Variants in TTC19 observed in about 807,000 individuals in gnomAD.
TTC19 encodes tetratricopeptide repeat protein 19, mitochondrial.
In TTC19, 38 loss-of-function variants were observed where a neutral mutation model predicts 49.5. The ratio of observed to expected loss-of-function variants is 0.77; its 90% CI spans 0.59 to 1.01. TTC19 has a LOEUF of 1.01. Among genes scored for constraint, TTC19 ranks in the 50% least tolerant of loss-of-function variants. The pLI is 0.00. For synonymous variants in TTC19, 204 were observed against 185.2 expected (o/e 1.10, Z -0.83); for missense variants, 475 against 477.7 (o/e 0.99, Z 0.05).
chr17:16,039,798 T>G (rs777336937), intron 2 of TTC19: 4 of 701,670 alleles, frequency 5.7e-6, no homozygotes, highest in African/African-American at 3.6e-5. Flanking sequence ...ACAGAGACCT[T>G]TTTTTTTGGA....
intron 2 of TTC19, chr17:16,034,732 G>C: frequency 6.4e-7 from 1 of 1,557,168 alleles, no homozygotes; most frequent in African/African-American, 1.4e-5. Flanking sequence ...TTATTGCTCT[G>C]TCTCATTTTC....
intron 2 of TTC19, among the ~76,000 whole-genome samples, chr17:16,043,426 T>A (rs2058095605): frequency 6.6e-6 from 1 of 152,172 alleles, no homozygotes; most frequent in Non-Finnish European, 1.5e-5. Context: ...TCCCAGACTC[T>A]AAAGCAATTC....
intron 2 of TTC19, among the ~76,000 whole-genome samples, chr17:16,038,070 GT>G (rs997306982): frequency 2.7e-4 from 41 of 149,254 alleles, no homozygotes; most frequent in African/African-American, 7.1e-4. Flanking sequence ...AACATGTATA[GT>G]TTTTTTTTTA....
In TTC19 at chr17:16,028,627, C is replaced by T. The variant is rs1306515799; in HGVS notation, c.*1105C>T. The T allele has an allele frequency of 6.8e-5, 31 of 453,400 alleles. 1 individual carries two copies. The Admixed American group carries it at 7.3e-4, about 11-fold the overall frequency. 28.1% of individuals were successfully genotyped at this position (453,400 alleles called of 1,614,324 possible). ...TCATGAATACATTTTTAGCCATTTA[C>T]CTAAGGAAAAAGACAGTTTTTCTAG... On this transcript the variant is annotated 3_prime_UTR_variant, in exon 10 of 10. Transcript: ENST00000261647.
exon 3 of TTC19, chr17:16,045,008 A>G (rs7218152): frequency 0.037 from 17,157 of 464,992 alleles, 530 homozygotes; most frequent in African/African-American, 0.093. Context: ...AGAAAAAAAA[A>G]AAAAGAATAA....
intron 2 of TTC19, among the ~76,000 whole-genome samples, chr17:16,036,224 T>TA (rs1458626225): frequency 6.6e-6 from 1 of 152,228 alleles, no homozygotes; most frequent in East Asian, 1.9e-4. Context: ...CTTGGGTGAC[T>TA]AAGTGGATTG....
Position 16,028,287 on chromosome 17 carries a change from CTT to C in TTC19, c.*767_*768del. 1 of 454,122 alleles carries C rather than the reference CTT, an allele frequency of 2.2e-6. No individual in the cohort carries two copies. The highest frequency in any genetic ancestry group is 1.6e-5 in the South Asian group (1 of 64,480). The allele number at this position is 454,122 out of a possible 1,614,324, so 28.1% of individuals were successfully genotyped here. A position where few individuals can be genotyped will look rare whatever the true frequency, so the allele number is the denominator to read the frequency against. ...ACACAACTGAGTCATCTCAAGTACT[CTT>C]TAAGGACACACAGCCCAGGCTGTTC... On this transcript the variant is annotated 3_prime_UTR_variant, in exon 10 of 10. Coordinates refer to ENST00000261647, the MANE Select transcript of TTC19 (RefSeq NM_017775.4).
chr17:16,029,588 G>A (rs1342084053), downstream of TTC19: 1 of 202,980 alleles, frequency 4.9e-6, no homozygotes, highest in Non-Finnish European at 1.0e-5. Context: ...AAAATCACGT[G>A]TAAGGATATA....
Position 16,044,430 on chromosome 17 carries a change from C to G in TTC19, c.248-73C>G, listed in dbSNP as rs561069968. 5.8e-4 allele frequency: 273 copies of G among 471,708 alleles called. 3 individuals carry two copies. Among genetic ancestry groups the G allele is most frequent in the South Asian group, 4.1e-3 (267 of 64,576 alleles). The allele number at this position is 471,708 out of a possible 1,614,324, so 29.2% of individuals were successfully genotyped here. On this transcript the variant is annotated intron_variant, in intron 2 of 2. Coordinates refer to the TTC19 transcript ENST00000470649. ...GTTCACAGTGCAAGGCCCCCACTTT[C>G]CTTTCTTTTGACAGGATCAGGAGAC... is the stretch of plus-strand genomic sequence containing the variant.
intron 2 of TTC19, among the ~76,000 whole-genome samples, chr17:16,042,143 G>A (rs1485176573): frequency 1.7e-5 from 2 of 116,836 alleles, no homozygotes; most frequent in Non-Finnish European, 3.6e-5. Flanking sequence ...TGGTTGATTA[G>A]GGAGGCTTTA....
chr17:16,020,673 C>A (rs1175570671), intron 7 of TTC19, among the ~76,000 whole-genome samples: 1 of 151,440 alleles, frequency 6.6e-6, no homozygotes, highest in African/African-American at 2.4e-5. Flanking sequence ...CCCCCACTAC[C>A]CCCCACCCCC....
At chr17:16,004,978 C>T (rs1970855929) in intron 6 of TTC19, among the ~76,000 whole-genome samples, 1 of 152,176 alleles carries the variant, frequency 6.6e-6, no homozygotes, top group African/African-American at 2.4e-5. Context: ...TTGAGCTTGG[C>T]CCATGCCAGG....
intron 2 of TTC19, chr17:16,040,347 C>G (rs2057333412): frequency 9.8e-7 from 1 of 1,020,228 alleles, no homozygotes; most frequent in Non-Finnish European, 1.5e-6. Context: ...AGCAGTCACT[C>G]CCCTGGTATA....
intron 7 of TTC19, among the ~76,000 whole-genome samples, chr17:16,012,833 AG>A (rs1487326468): frequency 9.2e-5 from 14 of 152,226 alleles, no homozygotes; most frequent in African/African-American, 3.4e-4. Context: ...CCACCACGCT[AG>A]GCCTATTTGC....
chr17:16,032,956 A>G (rs8076864), downstream of TTC19, among the ~76,000 whole-genome samples: 65,246 of 152,088 alleles, frequency 0.43, 15,670 homozygotes, highest in Middle Eastern at 0.57. Flanking sequence ...TTTAAAGTCT[A>G]CAAGATTGAG....
At chr17:16,018,313 C>A (rs1299942915) in intron 7 of TTC19, among the ~76,000 whole-genome samples, 1 of 152,138 alleles carries the variant, frequency 6.6e-6, no homozygotes, top group African/African-American at 2.4e-5. Context: ...TATTCTGGCT[C>A]AATGCTTCTG....
intron 2 of TTC19, among the ~76,000 whole-genome samples, chr17:16,000,959 C>T (rs1849187292): frequency 6.6e-6 from 1 of 152,214 alleles, no homozygotes; most frequent in African/African-American, 2.4e-5. Flanking sequence ...CCTTCCAATA[C>T]ACTTACAGTC....
intron 2 of TTC19, among the ~76,000 whole-genome samples, chr17:16,038,267 T>C (rs1417513633): frequency 6.6e-6 from 1 of 152,212 alleles, no homozygotes; most frequent in Non-Finnish European, 1.5e-5. Flanking sequence ...AGGATTATTA[T>C]GGTTTTTTTG....
chr17:16,002,832 G>GT lies in TTC19; in HGVS notation c.462+2dup. 1.9e-6 allele frequency: 3 copies of GT among 1,613,938 alleles called. No individual in the cohort carries two copies. The highest frequency in any genetic ancestry group is 2.5e-6 in the Non-Finnish European group (3 of 1,179,866). ...ATTTATACGGGGTCAGCTTGAAAATGTAAGTAAATTGCTTTGTAATATCTT... is the reference window on the plus strand; with the variant it reads ...ATTTATACGGGGTCAGCTTGAAAATGTTAAGTAAATTGCTTTGTAATATCTT... On this transcript the variant is annotated splice_donor_variant, in intron 4 of 9. Coordinates refer to ENST00000261647, the MANE Select transcript of TTC19 (RefSeq NM_017775.4). LOFTEE classifies it high-confidence loss of function.
Sources: gnomAD v4.1 joint callset for allele counts (sites outside exome capture counted in the v4.1 genomes callset) on GRCh38, gnomAD v4.1.1 for gene constraint, MANE v1.5 for transcripts, NCBI Gene and HGNC (gene_info 2026-07-23, HGNC 2026-07-21) for gene names.